Variants in PTCHD1 observed in about 807,000 individuals in gnomAD.
PTCHD1 encodes patched domain-containing protein 1.
PTCHD1 carries 3 observed loss-of-function variants against 34.6 expected under a neutral mutation model. That is an observed-to-expected ratio of 0.09 (90% confidence interval 0.04 to 0.22). The LOEUF (loss-of-function observed/expected upper bound fraction) is 0.22, where lower values mean the gene tolerates loss of function less well. PTCHD1 is among the 10% of genes least tolerant of loss of function. The pLI, the probability that PTCHD1 is intolerant of heterozygous loss-of-function variation, is 1.00. For missense variants in PTCHD1, 504 were observed against 685.5 expected (o/e 0.74, Z 2.96); for synonymous variants, 305 against 283.1 (o/e 1.08, Z -0.77).
chrX:23,388,369 G>C (rs1922735900), intron 2 of PTCHD1, among the ~76,000 whole-genome samples: 1 of 112,435 alleles, frequency 8.9e-6, no homozygotes, highest in Admixed American at 9.4e-5. Flanking sequence ...TAAAACTAGA[G>C]TGCAAAGCAA....
At chrX:23,384,298 C>T (rs1174614329) in intron 2 of PTCHD1, among the ~76,000 whole-genome samples, 1 of 112,190 alleles carries the variant, frequency 8.9e-6, no homozygotes, top group Non-Finnish European at 1.9e-5. Context: ...ATAAAAAATA[C>T]TCTTTAAGCC....
intron 1 of PTCHD1, among the ~76,000 whole-genome samples, chrX:23,359,962 C>T (rs752392802): frequency 1.2e-4 from 13 of 111,582 alleles, no homozygotes; most frequent in African/African-American, 1.6e-4. Context: ...TATTGATTTG[C>T]ATATGTTGAA....
Position 23,393,744 on chromosome X carries a change from G to C in PTCHD1, c.2226G>C (p.Met742Ile). 9 of 1,211,494 alleles carry C rather than the reference G, an allele frequency of 7.4e-6. No individual in the cohort carries two copies. Among genetic ancestry groups the C allele is most frequent in the Non-Finnish European group, 1.0e-5 (9 of 895,305 alleles). ...VSVEFGVIGFMTLWKVELDCI... is the reference protein window; with the variant it reads ...VSVEFGVIGFITLWKVELDCI... ...TGGAGTTTGGAGTGATAGGTTTCATGACATTATGGAAAGTAGAACTGGACT... is the reference window on the plus strand; with the variant it reads ...TGGAGTTTGGAGTGATAGGTTTCATCACATTATGGAAAGTAGAACTGGACT... Residue 742 changes from methionine (M) to isoleucine (I), a missense_variant, in exon 3 of 3, where the codon ATG (methionine) becomes ATC (isoleucine). Coordinates refer to ENST00000379361, the MANE Select transcript of PTCHD1 (RefSeq NM_173495.3).
chrX:23,353,503 C>T (rs1420835110), intron 1 of PTCHD1, among the ~76,000 whole-genome samples: 1 of 112,404 alleles, frequency 8.9e-6, no homozygotes, highest in Non-Finnish European at 1.9e-5. Context: ...GCAGGAGAAT[C>T]GCTTGAACTC....
intron 2 of PTCHD1, among the ~76,000 whole-genome samples, chrX:23,389,098 A>G (rs1922759381): frequency 9.0e-6 from 1 of 111,690 alleles, no homozygotes; most frequent in Non-Finnish European, 1.9e-5. Flanking sequence ...CATTCCCCAG[A>G]CCTAAGGGAA....
chrX:23,355,081 T>A (rs780320766), intron 1 of PTCHD1, among the ~76,000 whole-genome samples: 11 of 108,464 alleles, frequency 1.0e-4, no homozygotes, highest in Non-Finnish European at 2.1e-4. Context: ...AGGTATGGAG[T>A]GTGGTTGCTC....
chrX:23,388,771 C>T (rs1922747283), intron 2 of PTCHD1, among the ~76,000 whole-genome samples: 1 of 110,724 alleles, frequency 9.0e-6, no homozygotes, highest in African/African-American at 3.3e-5. Flanking sequence ...GCCGAGGCTG[C>T]AGCGAGCAGA....
intron 2 of PTCHD1, among the ~76,000 whole-genome samples, chrX:23,388,860 G>A (rs1036363943): frequency 9.0e-6 from 1 of 110,578 alleles, no homozygotes; most frequent in Admixed American, 9.5e-5. Flanking sequence ...GAATGATGAT[G>A]ATGCTAAAGG....
At chrX:23,371,888 T>C (rs954047086) in intron 1 of PTCHD1, among the ~76,000 whole-genome samples, 1 of 111,520 alleles carries the variant, frequency 9.0e-6, no homozygotes, top group African/African-American at 3.3e-5. Flanking sequence ...GCATGCACAC[T>C]CATCATCTCA....
intron 1 of PTCHD1, among the ~76,000 whole-genome samples, chrX:23,375,927 C>T (rs1198160543): frequency 8.9e-6 from 1 of 111,942 alleles, no homozygotes; most frequent in African/African-American, 3.3e-5. Flanking sequence ...AGCCTTAAAA[C>T]TAATCTCAAT....
intron 1 of PTCHD1, among the ~76,000 whole-genome samples, chrX:23,336,058 G>A (rs1369088035): frequency 9.0e-6 from 1 of 110,995 alleles, no homozygotes; most frequent in African/African-American, 3.3e-5. Context: ...CCCGAGAAGA[G>A]CACAGGAAAC....
intron 1 of PTCHD1, among the ~76,000 whole-genome samples, chrX:23,366,946 A>ACC (rs1204278976): frequency 7.3e-5 from 8 of 109,617 alleles, no homozygotes; most frequent in Non-Finnish European, 1.3e-4. Flanking sequence ...ACACACACAC[A>ACC]CACACACCCC....
chrX:23,392,791 C>A lies in PTCHD1; in HGVS notation c.1273C>A (p.Leu425Ile). 1 of 1,211,677 alleles carries A rather than the reference C, an allele frequency of 8.3e-7. No individual in the cohort carries two copies. The highest frequency in any genetic ancestry group is 3.0e-5 in the East Asian group (1 of 33,852). ...LYVLSFYGSS[L>I]VFTGYIENNY... ...TGTACTCTCGTTTTATGGTTCCAGC[C>A]TAGTGTTCACTGGCTACATAGAAAA... The change falls in exon 3 of 3, where the codon CTA (leucine) becomes ATA (isoleucine). Residue 425 changes from leucine to isoleucine, a missense_variant. By Grantham distance (5) the Leu-to-Ile change is conservative. Transcript: ENST00000379361.
intron 1 of PTCHD1, among the ~76,000 whole-genome samples, chrX:23,351,808 G>T (rs754072654): frequency 7.1e-5 from 8 of 111,900 alleles, no homozygotes; most frequent in Non-Finnish European, 1.3e-4. Context: ...AGACTGTAGT[G>T]GTTTGAGAAG....
At position 23,403,581 on chromosome X, in the gene PTCHD1, G is replaced by A. The variant is rs1269258476; in HGVS notation, c.*9396G>A. 3 of 111,402 alleles carry A rather than the reference G, an allele frequency of 2.7e-5. No homozygotes were observed. Among genetic ancestry groups the A allele is most frequent in the Non-Finnish European group, 3.8e-5 (2 of 53,068 alleles). 9.2% of individuals were successfully genotyped at this position (111,402 alleles called of 1,213,427 possible). ...GCATTAATAAACTCTAATTTTTACCGAAAGTCAAGAGACACACAGATCTTT... is the reference window on the plus strand; with the variant it reads ...GCATTAATAAACTCTAATTTTTACCAAAAGTCAAGAGACACACAGATCTTT... On this transcript the variant is annotated 3_prime_UTR_variant, in exon 3 of 3. Coordinates refer to ENST00000379361, the MANE Select transcript of PTCHD1 (RefSeq NM_173495.3).
chrX:23,361,632 G>A (rs957636734), intron 1 of PTCHD1, among the ~76,000 whole-genome samples: 4 of 111,726 alleles, frequency 3.6e-5, no homozygotes, highest in Admixed American at 1.9e-4. Context: ...TTTAATTGGG[G>A]CATTTAGCCC....
chrX:23,335,460 G>A (rs780292121), intron 1 of PTCHD1, among the ~76,000 whole-genome samples: 9 of 113,443 alleles, frequency 7.9e-5, no homozygotes, highest in African/African-American at 2.9e-4. Flanking sequence ...CCACCCCGCA[G>A]CTGCTGCAAC....
intron 1 of PTCHD1, among the ~76,000 whole-genome samples, chrX:23,357,270 A>G (rs1027862663): frequency 8.9e-6 from 1 of 112,048 alleles, no homozygotes; most frequent in Non-Finnish European, 1.9e-5. Flanking sequence ...CCACAGGGCT[A>G]ATGAGCATGT....
chrX:23,388,783 A>T (rs1438833201), intron 2 of PTCHD1, among the ~76,000 whole-genome samples: 1 of 110,763 alleles, frequency 9.0e-6, no homozygotes, highest in Non-Finnish European at 1.9e-5. Context: ...GCGAGCAGAG[A>T]TTGTGCCACT....
Sources: gnomAD v4.1 joint callset for allele counts (sites outside exome capture counted in the v4.1 genomes callset) on GRCh38, gnomAD v4.1.1 for gene constraint, MANE v1.5 for transcripts, NCBI Gene and HGNC (gene_info 2026-07-23, HGNC 2026-07-21) for gene names.